Variants in PPARGC1A observed in about 807,000 individuals in gnomAD.
The protein encoded by PPARGC1A is peroxisome proliferator-activated receptor gamma coactivator 1-alpha.
In PPARGC1A, 25 loss-of-function variants were observed where a neutral mutation model predicts 88.7. The observed-to-expected ratio is 0.28, with a 90% CI of 0.21 to 0.39. The LOEUF (loss-of-function observed/expected upper bound fraction) is 0.39, where lower values mean the gene tolerates loss of function less well. Ranked by LOEUF, PPARGC1A falls within the 10% of genes least tolerant of loss-of-function variation. The probability of loss-of-function intolerance (pLI) is 1.00; values close to 1 mark genes in which losing one functional copy is unlikely to be tolerated. For missense variants in PPARGC1A, 880 were observed against 968.7 expected (o/e 0.91, Z 1.22); for synonymous variants, 363 against 355.6 (o/e 1.02, Z -0.24).
At chr4:24,293,261 C>T in the PPARGC1A span, among the ~76,000 whole-genome samples, 2 of 774 alleles carry the variant, frequency 2.6e-3, no homozygotes, top group Non-Finnish European at 4.1e-3. Flanking sequence ...CCCCTTCCTG[C>T]GCTCCTCCCT....
chr4:23,810,198 T>C (rs1720636942), intron 10 of PPARGC1A, among the ~76,000 whole-genome samples: 1 of 152,240 alleles, frequency 6.6e-6, no homozygotes, highest in Non-Finnish European at 1.5e-5. Context: ...TAGTCCACTC[T>C]GTTGGTAAAC....
the PPARGC1A span, among the ~76,000 whole-genome samples, chr4:24,443,776 G>A: frequency 6.1e-5 from 9 of 147,424 alleles, no homozygotes; most frequent in East Asian, 2.0e-4. Context: ...GGCTGGTCTC[G>A]AACTCCTGAC....
At chr4:24,392,185 T>C in the PPARGC1A span, among the ~76,000 whole-genome samples, 3 of 152,216 alleles carry the variant, frequency 2.0e-5, no homozygotes, top group Non-Finnish European at 4.4e-5. Flanking sequence ...TGTGTCCAAT[T>C]GCCGTCAGTC....
the PPARGC1A span, among the ~76,000 whole-genome samples, chr4:24,051,139 G>T: frequency 3.7e-4 from 44 of 117,534 alleles, no homozygotes; most frequent in African/African-American, 1.4e-3. Context: ...AGTGAGCAAA[G>T]ATTTTGCCAC....
rs1367458406 is a variant in PPARGC1A, at chr4:23,814,075, T to C, written c.1408A>G (p.Ser470Gly). 2 of 1,614,068 alleles carry C rather than the reference T, an allele frequency of 1.2e-6. No individual in the cohort carries two copies. The highest frequency in any genetic ancestry group is 2.2e-5 in the East Asian group (1 of 44,858). Residue 470 changes from serine to glycine, a missense_variant, in exon 8 of 13, where the codon AGT becomes GGT. By Grantham distance (56) the Ser-to-Gly change is moderately conservative. Coordinates refer to ENST00000264867, the MANE Select transcript of PPARGC1A (RefSeq NM_013261.5). ...GCTTCGTCGTCAAAAACAGCTTGAC[T>C]GGGATGACCGAAGTGCTTGTTCAGC... ...AELNKHFGHP[S>G]QAVFDDEADK...
chr4:23,999,399 C>T, the PPARGC1A span, among the ~76,000 whole-genome samples: 1 of 152,194 alleles, frequency 6.6e-6, no homozygotes, highest in Non-Finnish European at 1.5e-5. Context: ...TGTCTATTAG[C>T]TTTCTTGCAG....
intron 8 of PPARGC1A, 66 bp downstream of exon 8, chr4:23,813,624 T>C: frequency 7.3e-7 from 1 of 1,370,380 alleles, no homozygotes; most frequent in Non-Finnish European, 9.9e-7. Context: ...TTTTTATTTG[T>C]ATTTTATTTT....
the PPARGC1A span, among the ~76,000 whole-genome samples, chr4:24,057,624 A>T: frequency 6.6e-6 from 1 of 152,190 alleles, no homozygotes; most frequent in Admixed American, 6.5e-5. Context: ...GTAGTGGTGG[A>T]GGAGGTAGTG....
intron 2 of PPARGC1A, among the ~76,000 whole-genome samples, chr4:23,882,468 G>C (rs918076610): frequency 6.6e-6 from 1 of 152,126 alleles, no homozygotes; most frequent in Non-Finnish European, 1.5e-5. Context: ...CCTGTAGGCT[G>C]TTGGATGTTT....
the PPARGC1A span, among the ~76,000 whole-genome samples, chr4:24,123,845 C>A: frequency 6.6e-6 from 1 of 150,572 alleles, no homozygotes; most frequent in East Asian, 1.9e-4. Context: ...ATAAGCCCCA[C>A]CATACCCAAG....
the PPARGC1A span, among the ~76,000 whole-genome samples, chr4:23,926,888 G>A: frequency 1.3e-5 from 2 of 152,168 alleles, no homozygotes; most frequent in African/African-American, 4.8e-5. Context: ...TGAGCTCATT[G>A]ACAGCAGTGG....
chr4:24,418,053 T>C, the PPARGC1A span, among the ~76,000 whole-genome samples: 1 of 151,972 alleles, frequency 6.6e-6, no homozygotes, highest in Admixed American at 6.6e-5. Context: ...ATATGTCATT[T>C]TAATTAATAA....
At chr4:24,062,964 C>T in the PPARGC1A span, among the ~76,000 whole-genome samples, 1 of 152,192 alleles carries the variant, frequency 6.6e-6, no homozygotes, top group East Asian at 1.9e-4. Flanking sequence ...AATACGCCAA[C>T]ACTTCTAGAA....
intron 2 of PPARGC1A, among the ~76,000 whole-genome samples, chr4:23,867,792 C>T (rs57356090): frequency 0.024 from 3,654 of 152,278 alleles, 146 homozygotes; most frequent in African/African-American, 0.083. Flanking sequence ...AAGGCAACTG[C>T]GATACAAGTA....
chr4:24,234,195 A>C, the PPARGC1A span, among the ~76,000 whole-genome samples: 2 of 152,210 alleles, frequency 1.3e-5, no homozygotes, highest in Non-Finnish European at 2.9e-5. Flanking sequence ...TACTTAACAC[A>C]GTAAGAGTTT....
chr4:24,075,517 G>A, the PPARGC1A span, among the ~76,000 whole-genome samples: 1 of 152,082 alleles, frequency 6.6e-6, no homozygotes, highest in African/African-American at 2.4e-5. Flanking sequence ...TGTGAAATAC[G>A]ATGATATGGT....
chr4:24,053,136 G>T, the PPARGC1A span, among the ~76,000 whole-genome samples: 2 of 151,490 alleles, frequency 1.3e-5, no homozygotes, highest in African/African-American at 4.9e-5. Context: ...CTCCCAAAGT[G>T]CCAGGATTAC....
chr4:24,368,688 A>G, the PPARGC1A span, among the ~76,000 whole-genome samples: 2 of 152,206 alleles, frequency 1.3e-5, no homozygotes, highest in Admixed American at 6.5e-5. Flanking sequence ...GCCTGTTTCC[A>G]ATGGGCTGTG....
At chr4:24,156,407 C>A in the PPARGC1A span, among the ~76,000 whole-genome samples, 2 of 151,510 alleles carry the variant, frequency 1.3e-5, no homozygotes, top group African/African-American at 4.9e-5. Context: ...TTAGTGTCTT[C>A]TTTGGTGCCT....
Sources: allele counts gnomAD v4.1 joint callset (sites outside exome capture counted in the v4.1 genomes callset), GRCh38; gene constraint gnomAD v4.1.1; transcripts MANE v1.5; gene names NCBI Gene and HGNC (gene_info 2026-07-23, HGNC 2026-07-21).